The following PSMB7 variants were observed in gnomAD, a reference collection of about 807,000 sequenced individuals.
PSMB7 encodes proteasome 20S subunit beta 7.
In PSMB7, 5 loss-of-function variants were observed where a neutral mutation model predicts 28.1. That is an observed-to-expected ratio of 0.18 (90% CI 0.09 to 0.37). The LOEUF is 0.37. Ranked by LOEUF, PSMB7 falls within the 10% of genes least tolerant of loss-of-function variation. The probability of loss-of-function intolerance (pLI) is 1.00; values close to 1 mark genes in which losing one functional copy is unlikely to be tolerated. For synonymous variants in PSMB7, 122 were observed against 123.7 expected (o/e 0.99, Z 0.09); for missense variants, 275 against 346.2 (o/e 0.79, Z 1.63).
intron 6 of PSMB7, chr9:124,384,100 T>C (rs1830694363): frequency 6.5e-6 from 1 of 153,066 alleles, no homozygotes. Context: ...ACTAGATCAT[T>C]ACGCTCTGAG....
At chr9:124,394,113 T>G (rs1249013065) in intron 5 of PSMB7, among the ~76,000 whole-genome samples, 1 of 152,208 alleles carries the variant, frequency 6.6e-6, no homozygotes, top group African/African-American at 2.4e-5. Context: ...ATTGATGGAC[T>G]AGACAGTATT....
chr9:124,409,899 T>C (rs1230234357), intron 4 of PSMB7, among the ~76,000 whole-genome samples: 4 of 152,224 alleles, frequency 2.6e-5, no homozygotes, highest in African/African-American at 7.2e-5. Flanking sequence ...TAAAAGACTA[T>C]AATTATGCTG....
chr9:124,401,726 A>G (rs1830909685), intron 5 of PSMB7, among the ~76,000 whole-genome samples: 1 of 152,154 alleles, frequency 6.6e-6, no homozygotes. Context: ...GGCACTCACT[A>G]AAGAGCTGAT....
At chr9:124,405,221 T>C (rs1830951552) in intron 5 of PSMB7, 96 bp downstream of exon 5, 1 of 794,368 alleles carries the variant, frequency 1.3e-6, no homozygotes. Context: ...AGCATTGTAT[T>C]GCACCTCCTC....
chr9:124,373,324 T>C (rs988022898), intron 6 of PSMB7, among the ~76,000 whole-genome samples: 1 of 152,230 alleles, frequency 6.6e-6, no homozygotes, highest in Non-Finnish European at 1.5e-5. Flanking sequence ...TTCAGACATC[T>C]CTAAAACCTA....
intron 6 of PSMB7, among the ~76,000 whole-genome samples, chr9:124,376,848 T>C (rs1162337924): frequency 6.6e-6 from 1 of 152,198 alleles, no homozygotes; most frequent in East Asian, 1.9e-4. Flanking sequence ...TGGCCAGTTA[T>C]TTGACCTCCC....
chr9:124,400,914 A>G (rs1301185358), intron 5 of PSMB7, among the ~76,000 whole-genome samples: 1 of 152,246 alleles, frequency 6.6e-6, no homozygotes, highest in Non-Finnish European at 1.5e-5. Flanking sequence ...TGGTGTAGCC[A>G]CATAATACAA....
In PSMB7 at chr9:124,403,371, A is replaced by G. The variant is rs548604709; in HGVS notation, c.511+1946T>C. 5.3e-5 allele frequency among the ~76,000 whole-genome samples: 8 copies of G among 152,230 alleles called. No individual in the cohort carries two copies. In the East Asian group the frequency reaches 1.5e-3, roughly 29 times the overall value. Reference sequence around the variant, plus strand: ...AAAATCCCATCTCTACAAAAAATACAAAAATTAGATGGGTGTGGCAGAATA... The same window carrying G: ...AAAATCCCATCTCTACAAAAAATACGAAAATTAGATGGGTGTGGCAGAATA... On this transcript the variant is annotated intron_variant, in intron 5 of 7. Transcript: ENST00000259457.
chr9:124,355,948 A>G lies in PSMB7; in HGVS notation c.722+816T>C, dbSNP rs573730680. Among the ~76,000 whole-genome samples, 7 of 152,284 alleles carry G rather than the reference A, an allele frequency of 4.6e-5. No homozygotes were observed. In the South Asian group the frequency reaches 1.5e-3, roughly 32 times the overall value. ...CAGTGGGAGATGGAAGCAAGCCTGCAGAAGGTGGTGCTCACTTCCTCGGGG... is the reference window on the plus strand; with the variant it reads ...CAGTGGGAGATGGAAGCAAGCCTGCGGAAGGTGGTGCTCACTTCCTCGGGG... On this transcript the variant is annotated intron_variant, in intron 7 of 7. Transcript: ENST00000259457.
At chr9:124,414,160 T>C (rs1393275210) in intron 2 of PSMB7, among the ~76,000 whole-genome samples, 155 bp from the exon 3 acceptor site, 2 of 152,262 alleles carry the variant, frequency 1.3e-5, no homozygotes, top group African/African-American at 4.8e-5. Flanking sequence ...TGCTACACTT[T>C]CAGGATTTAA....
chr9:124,407,178 A>C (rs1379787673), intron 4 of PSMB7, among the ~76,000 whole-genome samples: 1 of 152,244 alleles, frequency 6.6e-6, no homozygotes, highest in African/African-American at 2.4e-5. Flanking sequence ...AATCATTAAA[A>C]TACAAATAAA....
At chr9:124,395,543 C>A (rs1830831887) in intron 5 of PSMB7, among the ~76,000 whole-genome samples, 1 of 151,938 alleles carries the variant, frequency 6.6e-6, no homozygotes. Flanking sequence ...AGATCTGAAC[C>A]CTATTTGACT....
chr9:124,410,020 T>TC (rs1048161354), intron 4 of PSMB7, among the ~76,000 whole-genome samples: 3 of 151,722 alleles, frequency 2.0e-5, no homozygotes, highest in African/African-American at 7.3e-5. Context: ...ATTTTTTTTT[T>TC]TTTTTTGAGA....
chr9:124,358,258 C>T (rs2131140762), intron 6 of PSMB7, among the ~76,000 whole-genome samples: 1 of 152,274 alleles, frequency 6.6e-6, no homozygotes, highest in East Asian at 1.9e-4. Context: ...TCTGCCTGCC[C>T]CATGCCAGAC....
At chr9:124,354,341 G>A (rs1011094053) in intron 7 of PSMB7, among the ~76,000 whole-genome samples, 1 of 152,214 alleles carries the variant, frequency 6.6e-6, no homozygotes. Flanking sequence ...AGACTGTCTA[G>A]AAGATATGTA....
chr9:124,366,586 G>A (rs1384445875), intron 6 of PSMB7, among the ~76,000 whole-genome samples: 1 of 152,182 alleles, frequency 6.6e-6, no homozygotes, highest in Non-Finnish European at 1.5e-5. Flanking sequence ...TGTAGCCTAA[G>A]TGTCCAGTGT....
chr9:124,410,140 G>A (rs1277363383), intron 4 of PSMB7, among the ~76,000 whole-genome samples: 2 of 151,316 alleles, frequency 1.3e-5, no homozygotes, highest in African/African-American at 4.9e-5. Flanking sequence ...GACTACAGGC[G>A]CCCGCCACCA....
chr9:124,398,732 T>C lies in PSMB7; in HGVS notation c.511+6585A>G, dbSNP rs533177395. Reference sequence around the variant, plus strand: ...CTTAATAGCTAAGTGAAATCACATCTGTAGGATGATAAAATCACAGCAGCT... The same window carrying C: ...CTTAATAGCTAAGTGAAATCACATCCGTAGGATGATAAAATCACAGCAGCT... On this transcript the variant is annotated intron_variant, in intron 5 of 7. Coordinates refer to ENST00000259457, the MANE Select transcript of PSMB7 (RefSeq NM_002799.4). 2.0e-5 allele frequency among the ~76,000 whole-genome samples: 3 copies of C among 152,254 alleles called. 1 individual carries two copies. The South Asian group carries it at 6.2e-4, about 32-fold the overall frequency.
rs183101839 is a variant in PSMB7 at position 124,410,569 on chromosome 9, T to C, written c.395+1783A>G. Among the ~76,000 whole-genome samples, 7 of 152,342 alleles carry C rather than the reference T, an allele frequency of 4.6e-5. No individual in the cohort carries two copies. The East Asian group carries it at 1.2e-3, about 25-fold the overall frequency. ...TCTTTTCAGAAATCTGATCAATAGG[T>C]GTGCTTTAACAAGTTCTACTCACTG... On this transcript the variant is annotated intron_variant, in intron 4 of 7. Coordinates refer to ENST00000259457, the MANE Select transcript of PSMB7 (RefSeq NM_002799.4).
Sources: gnomAD v4.1 joint callset for allele counts (sites outside exome capture counted in the v4.1 genomes callset) on GRCh38, gnomAD v4.1.1 for gene constraint, MANE v1.5 for transcripts, NCBI Gene and HGNC (gene_info 2026-07-23, HGNC 2026-07-21) for gene names.